The following BACH2 variants were observed in gnomAD, a reference collection of about 807,000 sequenced individuals.
The protein encoded by BACH2 is transcription regulator protein BACH2.
BACH2 carries 5 observed loss-of-function variants against 61.8 expected under a neutral mutation model. The ratio of observed to expected loss-of-function variants is 0.08; its 90% CI spans 0.04 to 0.17. The LOEUF is 0.17. Ranked by LOEUF, BACH2 falls within the 10% of genes least tolerant of loss-of-function variation. The probability of loss-of-function intolerance (pLI) is 1.00; values close to 1 mark genes in which losing one functional copy is unlikely to be tolerated. For missense variants in BACH2, 824 were observed against 1,091.1 expected (o/e 0.76, Z 3.45); for synonymous variants, 446 against 440.1 (o/e 1.01, Z -0.17).
intron 5 of BACH2, among the ~76,000 whole-genome samples, chr6:90,039,896 A>G (rs1779446935): frequency 6.6e-6 from 1 of 152,128 alleles, no homozygotes; most frequent in South Asian, 2.1e-4. Context: ...TAATAGTCTT[A>G]CTATTCTTTT....
intron 4 of BACH2, among the ~76,000 whole-genome samples, chr6:90,150,374 G>A (rs1460172385): frequency 6.6e-6 from 1 of 152,152 alleles, no homozygotes; most frequent in Non-Finnish European, 1.5e-5. Flanking sequence ...CTGAGTTAAA[G>A]GTAGTTTTAA....
intron 5 of BACH2, among the ~76,000 whole-genome samples, chr6:90,023,969 A>G (rs1052402319): frequency 6.6e-6 from 1 of 152,210 alleles, no homozygotes; most frequent in Non-Finnish European, 1.5e-5. Context: ...GCAAAACTAT[A>G]AAGAAAAGAC....
At chr6:90,163,569 T>C (rs1292437966) in intron 4 of BACH2, among the ~76,000 whole-genome samples, 1 of 152,060 alleles carries the variant, frequency 6.6e-6, no homozygotes, top group Non-Finnish European at 1.5e-5. Flanking sequence ...TTTTATAAAA[T>C]TATAAAATTG....
At chr6:90,289,774 C>A (rs976613543) in intron 1 of BACH2, among the ~76,000 whole-genome samples, 4 of 152,332 alleles carry the variant, frequency 2.6e-5, no homozygotes, top group Admixed American at 2.0e-4. Context: ...AATCTTCGGG[C>A]CACAGAGGAT....
intron 6 of BACH2, among the ~76,000 whole-genome samples, chr6:90,003,277 C>T (rs1342844315): frequency 6.6e-6 from 1 of 152,140 alleles, no homozygotes; most frequent in Non-Finnish European, 1.5e-5. Flanking sequence ...GCAAACACGC[C>T]CTGCCCACCA....
intron 3 of BACH2, among the ~76,000 whole-genome samples, chr6:90,209,852 C>T (rs1166929004): frequency 4.6e-5 from 7 of 152,168 alleles, no homozygotes; most frequent in African/African-American, 1.7e-4. Flanking sequence ...TTGAGGGAAA[C>T]ATCAGACACA....
intron 6 of BACH2, among the ~76,000 whole-genome samples, chr6:89,998,922 G>A (rs1252870750): frequency 1.3e-5 from 2 of 152,120 alleles, no homozygotes; most frequent in African/African-American, 2.4e-5. Context: ...GACATTGGGT[G>A]ACATTCCAAA....
At chr6:90,293,308 A>G (rs1220836619) in intron 1 of BACH2, among the ~76,000 whole-genome samples, 1 of 152,186 alleles carries the variant, frequency 6.6e-6, no homozygotes, top group Admixed American at 6.5e-5. Context: ...CTGAGGTTCA[A>G]AAACTAGAGT....
intron 3 of BACH2, among the ~76,000 whole-genome samples, chr6:90,251,479 G>A (rs1770807815): frequency 7.4e-6 from 1 of 134,950 alleles, no homozygotes; most frequent in Non-Finnish European, 1.8e-5. Context: ...TTTAAAAATA[G>A]CCACTCAGTA....
At position 89,950,469 on chromosome 6, in the gene BACH2, G is replaced by T. The variant is rs765826824; in HGVS notation, c.1637C>A (p.Ser546Tyr). The T allele has an allele frequency of 6.2e-7, 1 of 1,614,166 alleles. No individual in the cohort carries two copies. The highest frequency in any genetic ancestry group is 1.1e-5 in the South Asian group (1 of 91,080). ...GGCTCCCTGGGAACAGGGCGAGGAGGAGAACTCACAGAGAGGGAGGCTGCA... is the reference window on the plus strand; with the variant it reads ...GGCTCCCTGGGAACAGGGCGAGGAGTAGAACTCACAGAGAGGGAGGCTGCA... ...SPCSLPLCEF[S>Y]SSPCSQGARF... The change falls in exon 7 of 9, where the codon TCC becomes TAC. Residue 546 changes from serine (S) to tyrosine (Y), a missense_variant. By Grantham distance (144) the Ser-to-Tyr change is moderately radical. Around this residue, in one of 8 missense-constraint regions of BACH2, gnomAD observed 160 missense variants for 283.5 expected, o/e 0.56. Coordinates refer to ENST00000257749, the MANE Select transcript of BACH2 (RefSeq NM_021813.4). The surrounding 1 kb of genome is among the most constrained non-coding windows in gnomAD (Gnocchi z 5.3).
intron 4 of BACH2, among the ~76,000 whole-genome samples, chr6:90,185,231 G>A (rs770785233): frequency 2.6e-5 from 4 of 152,140 alleles, no homozygotes; most frequent in East Asian, 1.9e-4. Flanking sequence ...GCTCTGTCTC[G>A]GAAACAGGTC....
intron 3 of BACH2, among the ~76,000 whole-genome samples, chr6:90,207,298 T>C (rs1769182486): frequency 6.6e-6 from 1 of 152,086 alleles, no homozygotes; most frequent in Non-Finnish European, 1.5e-5. Flanking sequence ...TTTGTATTTT[T>C]TGAAGAGATA....
chr6:90,145,869 G>A (rs1676181337), intron 4 of BACH2, among the ~76,000 whole-genome samples: 1 of 152,150 alleles, frequency 6.6e-6, no homozygotes, highest in Admixed American at 6.5e-5. Context: ...AAGGCAGCTG[G>A]GGAGAAACCG....
intron 5 of BACH2, chr6:90,062,763 T>TG (rs1179172674): frequency 1.8e-5 from 4 of 216,576 alleles, no homozygotes; most frequent in Non-Finnish European, 2.3e-5. Context: ...TCCAACTGTT[T>TG]TTTTTTTTTC....
At chr6:90,289,435 A>G (rs968636232) in intron 1 of BACH2, among the ~76,000 whole-genome samples, 23 of 152,230 alleles carry the variant, frequency 1.5e-4, no homozygotes, top group Admixed American at 3.9e-4. Context: ...ACTATCATCA[A>G]AGAAAAAGAA....
At chr6:90,127,145 G>A (rs1377978184) in intron 4 of BACH2, among the ~76,000 whole-genome samples, 4 of 152,208 alleles carry the variant, frequency 2.6e-5, no homozygotes, top group Non-Finnish European at 2.9e-5. Flanking sequence ...ACAGTTATAC[G>A]TTGTTGCATA....
chr6:89,950,990 A>G lies in BACH2; in HGVS notation c.1116T>C (p.Phe372=). The G allele has an allele frequency of 6.3e-7, 1 of 1,580,790 alleles. No homozygotes were observed. Among genetic ancestry groups the G allele is most frequent in the Non-Finnish European group, 8.6e-7 (1 of 1,164,588 alleles). ...GGTCACCCTGAGTGATCCCCTTGTC[A>G]AAAGGGCAGGCTGGACTCCTGGCAA... The part of the protein sequence containing the change: ...QHFARSPACP[F]DKGITQGDLK... Residue 372 remains phenylalanine (F), a synonymous_variant, in exon 7 of 9, where the codon TTT becomes TTC. Coordinates refer to ENST00000257749, the MANE Select transcript of BACH2 (RefSeq NM_021813.4). This position sits in a 1 kb window ranked among gnomAD's most constrained non-coding sequence, Gnocchi z 5.3.
chr6:90,042,688 T>C (rs1407084930), intron 5 of BACH2, among the ~76,000 whole-genome samples: 2 of 152,138 alleles, frequency 1.3e-5, no homozygotes, highest in African/African-American at 4.8e-5. Context: ...ATACAAACCA[T>C]AAAGAGATAC....
intron 6 of BACH2, among the ~76,000 whole-genome samples, chr6:89,981,836 A>C (rs1055134348): frequency 1.3e-5 from 2 of 152,176 alleles, no homozygotes; most frequent in Non-Finnish European, 2.9e-5. Flanking sequence ...AATCAATGCA[A>C]TATATTATTT....
Sources: allele counts gnomAD v4.1 joint callset (sites outside exome capture counted in the v4.1 genomes callset), GRCh38; gene constraint gnomAD v4.1.1; regional missense constraint gnomAD v4.1.1; non-coding constraint Gnocchi (gnomAD v3.1); transcripts MANE v1.5; gene names NCBI Gene and HGNC (gene_info 2026-07-23, HGNC 2026-07-21).